Variants in MIDEAS observed in about 807,000 individuals in gnomAD.
MIDEAS encodes mitotic deacetylase associated SANT domain protein, also known as mitotic deacetylase-associated SANT domain protein.
MIDEAS carries 26 observed loss-of-function variants against 102.7 expected under a neutral mutation model. The observed-to-expected ratio is 0.25, with a 90% CI of 0.19 to 0.35. MIDEAS has a LOEUF of 0.35. MIDEAS is among the 10% of genes least tolerant of loss of function. MIDEAS has a pLI of 1.00. For missense variants in MIDEAS, 1,231 were observed against 1,435.6 expected, an observed-to-expected ratio of 0.86 and a Z score of 2.30; for synonymous variants, 585 against 591.0, an observed-to-expected ratio of 0.99 and a Z score of 0.15.
In MIDEAS at chr14:73,752,362, C is replaced by T. The variant is rs372959718; in HGVS notation, c.-248+7401G>A. ...CTGGCATTGCCAGGTCCTTGACATT[C>T]GTCTGGGGGAGGTAAAGCAGGGGGT... On this transcript the variant is annotated intron_variant, in intron 1 of 12. Coordinates refer to ENST00000423556, the MANE Select transcript of MIDEAS (RefSeq NM_001367710.1). 1.4e-3 allele frequency among the ~76,000 whole-genome samples: 209 copies of T among 152,198 alleles called. 7 individuals carry two copies. The South Asian group carries it at 0.041, about 30-fold the overall frequency.
intron 1 of MIDEAS, among the ~76,000 whole-genome samples, chr14:73,784,417 G>C (rs376674850): frequency 3.2e-4 from 48 of 152,378 alleles, no homozygotes; most frequent in Admixed American, 2.6e-4. Flanking sequence ...TGAGGGGCCT[G>C]CATGTGGCTC....
rs766721673 is a variant in MIDEAS, at chr14:73,737,216, A to C, written c.1531T>G (p.Leu511Val). ...TCTTCTCGTGCTCGCTTGGTGGCTA[A>C]GGAAGGCTCAGAAAACTCCACCCCA... ...KCGVEFSEPS[L>V]ATKRAREDSG... The change falls in exon 3 of 13, where the codon TTA becomes GTA. Residue 511 changes from leucine (L) to valine (V), a missense_variant. Transcript: ENST00000423556. The C allele has an allele frequency of 3.7e-6, 6 of 1,614,072 alleles. No individual in the cohort carries two copies. The highest frequency in any genetic ancestry group is 1.3e-5 in the African/African-American group (1 of 74,936).
Position 73,721,330 on chromosome 14 carries a change from G to A in MIDEAS, c.2904C>T (p.Val968=), listed in dbSNP as rs1463999701. 6.2e-7 allele frequency: 1 copy of A among 1,613,686 alleles called. No individual in the cohort carries two copies. Among genetic ancestry groups the A allele is most frequent in the Admixed American group, 1.7e-5 (1 of 60,006 alleles). The change falls in exon 11 of 13, where the codon GTC becomes GTT. Residue 968 remains valine (V), a synonymous_variant. Transcript: ENST00000423556. The part of the protein sequence containing the change: ...GRERSRRAAA[V]KATQTLQANE... Reference sequence around the variant, plus strand: ...TGGCCTGTAGTGTCTGCGTGGCTTTGACTGCCGCTGCCCGCCTGCTGCGCT... The same window carrying A: ...TGGCCTGTAGTGTCTGCGTGGCTTTAACTGCCGCTGCCCGCCTGCTGCGCT...
intron 1 of MIDEAS, among the ~76,000 whole-genome samples, chr14:73,776,062 C>A (rs2053685467): frequency 6.6e-6 from 1 of 151,960 alleles, no homozygotes; most frequent in African/African-American, 2.4e-5. Flanking sequence ...GTCTGAAAAG[C>A]AAAGTGGCAC....
Position 73,726,656 on chromosome 14 carries a change from G to A in MIDEAS, c.2357C>T (p.Thr786Ile). The change falls in exon 7 of 13, where the codon ACC becomes ATC. Residue 786 changes from threonine to isoleucine, a missense_variant. Coordinates refer to ENST00000423556, the MANE Select transcript of MIDEAS (RefSeq NM_001367710.1). ...ACAGTGCAGGGCCAGCTCCTGGTTG[G>A]TGCCAGCACCAGGGAAAATGCTGGA... is the stretch of plus-strand genomic sequence containing the variant. ...ACSSIFPGAG[T>I]NQELALHCLH... The A allele has an allele frequency of 6.2e-7, 1 of 1,614,270 alleles. No homozygotes were observed. The highest frequency in any genetic ancestry group is 8.5e-7 in the Non-Finnish European group (1 of 1,180,044).
chr14:73,771,361 C>G (rs1326444469), intron 1 of MIDEAS, among the ~76,000 whole-genome samples: 3 of 152,236 alleles, frequency 2.0e-5, no homozygotes, highest in Non-Finnish European at 4.4e-5. Flanking sequence ...CCTGCGAACT[C>G]AAGGTACGCC....
At chr14:73,733,277 C>A (rs1337595914) in intron 3 of MIDEAS, among the ~76,000 whole-genome samples, 1 of 152,002 alleles carries the variant, frequency 6.6e-6, no homozygotes, top group Non-Finnish European at 1.5e-5. Flanking sequence ...CAAATCATCT[C>A]ATTTCAACCT....
chr14:73,723,041 C>T, intron 9 of MIDEAS, 194 bp from the exon 10 acceptor site: 2 of 541,696 alleles, frequency 3.7e-6, no homozygotes, highest in Non-Finnish European at 6.5e-6. Context: ...AATGCTTCAG[C>T]ACTATTTAAA....
intron 1 of MIDEAS, among the ~76,000 whole-genome samples, chr14:73,778,559 T>C (rs1490901738): frequency 2.0e-5 from 3 of 151,926 alleles, no homozygotes; most frequent in African/African-American, 4.8e-5. Flanking sequence ...CGAGTGGCTA[T>C]TGGCTTCTAA....
rs1403351793 is a variant in MIDEAS, at chr14:73,729,799, C to T, written c.1936G>A (p.Glu646Lys). The part of the protein sequence containing the change: ...SPVRLADHPS[E>K]RSFELPPYTP... ...TAGGGAGGTAGCTCAAAGCTCCGCTCAGAGGGGTGGTCAGCTAGGCGCACG... is the reference window on the plus strand; with the variant it reads ...TAGGGAGGTAGCTCAAAGCTCCGCTTAGAGGGGTGGTCAGCTAGGCGCACG... The change falls in exon 4 of 13, where the codon GAG becomes AAG. Residue 646 changes from glutamate (E) to lysine (K), a missense_variant. Coordinates refer to ENST00000423556, the MANE Select transcript of MIDEAS (RefSeq NM_001367710.1). 1.2e-6 allele frequency: 2 copies of T among 1,611,822 alleles called. No homozygotes were observed. Among genetic ancestry groups the T allele is most frequent in the Non-Finnish European group, 1.7e-6 (2 of 1,179,358 alleles).
intron 1 of MIDEAS, among the ~76,000 whole-genome samples, chr14:73,782,372 T>TAG (rs996144382): frequency 2.6e-5 from 4 of 151,996 alleles, no homozygotes; most frequent in African/African-American, 9.7e-5. Context: ...TATATATATA[T>TAG]AGATATATGA....
intron 1 of MIDEAS, among the ~76,000 whole-genome samples, chr14:73,753,194 AGGCTGGGC>A (rs1239468961): frequency 1.3e-5 from 2 of 152,234 alleles, no homozygotes; most frequent in Admixed American, 1.3e-4. Flanking sequence ...TCAGGGCTCA[AGGCTGGGC>A]TCCTGGCTGC....
intron 1 of MIDEAS, among the ~76,000 whole-genome samples, chr14:73,770,922 C>T (rs1380144604): frequency 3.3e-5 from 5 of 152,156 alleles, no homozygotes; most frequent in African/African-American, 1.2e-4. Flanking sequence ...GACACTATGG[C>T]ACTTAATATT....
chr14:73,745,527 G>C lies in MIDEAS; in HGVS notation c.-247-5272C>G, dbSNP rs188672771. ...ACCCCCACCAGAGGAGCACAGCATG[G>C]CCCAGCTGGCCCCCTCATCTGGGCT... On this transcript the variant is annotated intron_variant, in intron 1 of 12. Coordinates refer to ENST00000423556, the MANE Select transcript of MIDEAS (RefSeq NM_001367710.1). Among the ~76,000 whole-genome samples the C allele has an allele frequency of 8.8e-4, 134 of 152,166 alleles. 1 individual carries two copies. The highest frequency in any genetic ancestry group is 3.0e-3 in the African/African-American group (126 of 41,502).
rs1287584969 is a variant in MIDEAS at position 73,739,951 on chromosome 14, C to T, written c.58G>A (p.Gly20Ser). 1 of 1,515,612 alleles carries T rather than the reference C, an allele frequency of 6.6e-7. No individual in the cohort carries two copies. The highest frequency in any genetic ancestry group is 8.8e-7 in the Non-Finnish European group (1 of 1,132,264). 93.9% of individuals were successfully genotyped at this position (1,515,612 alleles called of 1,614,324 possible). ...TGCTCCTTGGGAGCTGGTTCCTGGC[C>T]CCCGAAGAGGCAACGCTTCCGCTTG... Reference protein sequence around the residue: ...QNKRKRCLFGGQEPAPKEQPP... With the variant: ...QNKRKRCLFGSQEPAPKEQPP... The change falls in exon 2 of 13, where the codon GGC (glycine) becomes AGC (serine). Residue 20 changes from glycine to serine, a missense_variant. Transcript: ENST00000423556.
At chr14:73,754,105 A>C (rs921005506) in intron 1 of MIDEAS, among the ~76,000 whole-genome samples, 20 of 152,212 alleles carry the variant, frequency 1.3e-4, no homozygotes, top group African/African-American at 4.6e-4. Context: ...CCACAAGTGG[A>C]AGTGCCCGCC....
chr14:73,763,302 C>T (rs1302864002), upstream of MIDEAS, among the ~76,000 whole-genome samples: 1 of 152,198 alleles, frequency 6.6e-6, no homozygotes, highest in Non-Finnish European at 1.5e-5. Context: ...CACGCCACTG[C>T]ACTCCATCCT....
chr14:73,775,824 A>G (rs2053683817), intron 1 of MIDEAS, among the ~76,000 whole-genome samples: 1 of 151,918 alleles, frequency 6.6e-6, no homozygotes, highest in Non-Finnish European at 1.5e-5. Flanking sequence ...CTTATCTGAC[A>G]CCTCTTGTTT....
At position 73,738,736 on chromosome 14, in the gene MIDEAS, C is replaced by A; in HGVS notation, c.1273G>T (p.Ala425Ser). The A allele has an allele frequency of 1.9e-6, 3 of 1,612,178 alleles. No individual in the cohort carries two copies. The highest frequency in any genetic ancestry group is 2.7e-5 in the African/African-American group (2 of 75,032). The change falls in exon 2 of 13, where the codon GCT becomes TCT. Residue 425 changes from alanine (A) to serine (S), a missense_variant. Physicochemically the swap from Ala to Ser is moderately conservative, Grantham distance 99. Around this residue, in one of 5 missense-constraint regions of MIDEAS, gnomAD observed 758 missense variants for 856.0 expected, o/e 0.89. Transcript: ENST00000423556. Reference protein sequence around the residue: ...RLAPNGREREAPAMGSEEGMR... With the variant: ...RLAPNGRERESPAMGSEEGMR... ...CCCTCCTCGCTGCCCATGGCAGGAG[C>A]CTCTCGCTCCCGGCCATTGGGTGCT...
Sources: gnomAD v4.1 joint callset for allele counts (sites outside exome capture counted in the v4.1 genomes callset) on GRCh38, gnomAD v4.1.1 for gene constraint, gnomAD v4.1.1 regional missense constraint, MANE v1.5 for transcripts, NCBI Gene and HGNC (gene_info 2026-07-23, HGNC 2026-07-21) for gene names.